PLEKHM3: variants seen among roughly 807,000 people sequenced by gnomAD.
The protein encoded by PLEKHM3 is pleckstrin homology domain containing M3.
A neutral mutation model predicts 81.8 loss-of-function variants in PLEKHM3; 45 were observed. The observed-to-expected ratio is 0.55, with a 90% CI of 0.43 to 0.71. The LOEUF is 0.71. PLEKHM3 is among the 30% of genes least tolerant of loss of function. The probability of loss-of-function intolerance (pLI) is 0.00; values close to 1 mark genes in which losing one functional copy is unlikely to be tolerated. For missense variants in PLEKHM3, 788 were observed against 924.3 expected (o/e 0.85, Z 1.91); for synonymous variants, 352 against 356.4 (o/e 0.99, Z 0.14).
At chr2:207,828,978 C>G (rs2092269411) in intron 7 of PLEKHM3, among the ~76,000 whole-genome samples, 1 of 152,178 alleles carries the variant, frequency 6.6e-6, no homozygotes, top group Non-Finnish European at 1.5e-5. Flanking sequence ...CTTTATTTGA[C>G]AGTTTGAAAA....
At chr2:207,978,563 A>G (rs1417805578) in intron 2 of PLEKHM3, among the ~76,000 whole-genome samples, 1 of 152,156 alleles carries the variant, frequency 6.6e-6, no homozygotes, top group Non-Finnish European at 1.5e-5. Flanking sequence ...GCAGCCCTCC[A>G]GGCCAGTTCA....
intron 6 of PLEKHM3, among the ~76,000 whole-genome samples, chr2:207,885,496 G>C (rs1687859432): frequency 6.6e-6 from 1 of 152,126 alleles, no homozygotes; most frequent in Non-Finnish European, 1.5e-5. Flanking sequence ...ATCAAAGCAG[G>C]AAATAAAGAA....
rs747265280 is a variant in PLEKHM3 at position 207,861,146 on chromosome 2, A to G, written c.2067T>C (p.Asn689=). Residue 689 remains asparagine (N), a synonymous_variant, in exon 7 of 8, where the codon AAT becomes AAC. Transcript: ENST00000427836. ...QKGFICEICN[N]GEILYPFEDI... is the part of the protein sequence containing the mutation. ...CCTCAAAAGGGTAGAGGATCTCTCC[A>G]TTGTTACAGATTTCACAGATGAACC... 45 of 1,614,008 alleles carry G rather than the reference A, an allele frequency of 2.8e-5. No homozygotes were observed. Among genetic ancestry groups the G allele is most frequent in the South Asian group, 1.1e-5 (1 of 91,074 alleles).
At chr2:208,016,668 A>ATAC (rs11436592) in intron 1 of PLEKHM3, among the ~76,000 whole-genome samples, 18 of 61,554 alleles carry the variant, frequency 2.9e-4, no homozygotes, top group African/African-American at 4.0e-4. Context: ...AAAAAAAAAA[A>ATAC]ATACACACAC....
intron 3 of PLEKHM3, among the ~76,000 whole-genome samples, chr2:207,962,415 C>T (rs1312127959): frequency 6.6e-6 from 1 of 152,222 alleles, no homozygotes; most frequent in Non-Finnish European, 1.5e-5. Flanking sequence ...ATTTATGGCC[C>T]TCCCACACCT....
intron 6 of PLEKHM3, among the ~76,000 whole-genome samples, chr2:207,867,291 T>C (rs1012881011): frequency 3.3e-5 from 5 of 152,238 alleles, no homozygotes; most frequent in Non-Finnish European, 7.3e-5. Context: ...ACTTGATTAA[T>C]TGCTCTTCCC....
At position 207,946,421 on chromosome 2, in the gene PLEKHM3, G is replaced by A; in HGVS notation, c.1638C>T (p.Asp546=). Residue 546 remains aspartate, a synonymous_variant, in exon 4 of 8, where the codon GAC becomes GAT. Transcript: ENST00000427836. The stretch of plus-strand genomic sequence containing the variant: ...CTATGCGTGCTGGAATGAGAAAGCT[G>A]TCATCCACGTGGCAGCTACTGCAGT... The part of the protein sequence containing the change: ...WYYCSSCHVD[D]SFLIPARIVH... 1 of 1,614,164 alleles carries A rather than the reference G, an allele frequency of 6.2e-7. No homozygotes were observed. The highest frequency in any genetic ancestry group is 1.1e-5 in the South Asian group (1 of 91,080).
intron 6 of PLEKHM3, among the ~76,000 whole-genome samples, chr2:207,864,642 G>A (rs1390643594): frequency 6.6e-6 from 1 of 152,204 alleles, no homozygotes; most frequent in African/African-American, 2.4e-5. Flanking sequence ...GGAGAAGTTT[G>A]AGCATCTTGT....
intron 2 of PLEKHM3, among the ~76,000 whole-genome samples, chr2:207,996,628 G>A (rs1692129641): frequency 6.6e-6 from 1 of 152,114 alleles, no homozygotes; most frequent in Admixed American, 6.5e-5. Flanking sequence ...TATAAACTCT[G>A]GTGTGAATGA....
At chr2:207,922,886 C>T (rs1455696368) in intron 5 of PLEKHM3, among the ~76,000 whole-genome samples, 1 of 151,674 alleles carries the variant, frequency 6.6e-6, no homozygotes, top group Non-Finnish European at 1.5e-5. Flanking sequence ...CTGGAAGAAA[C>T]CAGAGAAGGG....
At chr2:208,006,157 A>G (rs1173620577) in intron 1 of PLEKHM3, among the ~76,000 whole-genome samples, 1 of 152,030 alleles carries the variant, frequency 6.6e-6, no homozygotes, top group Non-Finnish European at 1.5e-5. Flanking sequence ...CTGTTTTCCA[A>G]CCTTACTCTT....
At chr2:207,920,475 C>T (rs918595636) in intron 5 of PLEKHM3, among the ~76,000 whole-genome samples, 9 of 152,090 alleles carry the variant, frequency 5.9e-5, no homozygotes, top group African/African-American at 2.2e-4. Context: ...TTCACTTCAG[C>T]ACTCAGAAGA....
intron 5 of PLEKHM3, chr2:207,929,898 T>A (rs138008155): frequency 0.022 from 15,288 of 700,232 alleles, 240 homozygotes; most frequent in Middle Eastern, 0.075. Context: ...TAGGCTTACC[T>A]CCAAAAACAT....
At chr2:207,873,993 T>C (rs541907676) in intron 6 of PLEKHM3, among the ~76,000 whole-genome samples, 21 of 152,312 alleles carry the variant, frequency 1.4e-4, no homozygotes, top group Admixed American at 5.9e-4. Flanking sequence ...TTGTCTAAGA[T>C]GGTTGGGGAT....
chr2:207,884,437 A>G (rs1039981024), intron 6 of PLEKHM3, among the ~76,000 whole-genome samples: 5 of 152,240 alleles, frequency 3.3e-5, no homozygotes, highest in Non-Finnish European at 7.3e-5. Flanking sequence ...TATACAGGAA[A>G]GTTGGAAACA....
intron 7 of PLEKHM3, among the ~76,000 whole-genome samples, chr2:207,859,098 T>C (rs1485661161): frequency 6.6e-6 from 1 of 151,958 alleles, no homozygotes; most frequent in Non-Finnish European, 1.5e-5. Flanking sequence ...TCAATGTTAA[T>C]ACATGTTGCA....
intron 6 of PLEKHM3, among the ~76,000 whole-genome samples, chr2:207,881,108 T>C (rs2092589454): frequency 6.6e-6 from 1 of 151,818 alleles, no homozygotes; most frequent in Non-Finnish European, 1.5e-5. Context: ...CACAAAGATA[T>C]ACATAATAGT....
chr2:208,018,730 T>A (rs1396853316), intron 1 of PLEKHM3, among the ~76,000 whole-genome samples: 2 of 152,178 alleles, frequency 1.3e-5, no homozygotes, highest in Admixed American at 1.3e-4. Flanking sequence ...AACCAAAATG[T>A]TCTTTCCAAA....
chr2:207,878,013 G>C (rs557533036), intron 6 of PLEKHM3, among the ~76,000 whole-genome samples: 1 of 152,014 alleles, frequency 6.6e-6, no homozygotes, highest in East Asian at 1.9e-4. Context: ...TTGTCTTACC[G>C]CAACCATCTC....
Sources: allele counts gnomAD v4.1 joint callset (sites outside exome capture counted in the v4.1 genomes callset), GRCh38; gene constraint gnomAD v4.1.1; transcripts MANE v1.5; gene names NCBI Gene and HGNC (gene_info 2026-07-23, HGNC 2026-07-21).